UBE2E2: variants seen among roughly 807,000 people sequenced by gnomAD.
UBE2E2 encodes the protein ubiquitin conjugating enzyme E2 E2.
Under a neutral mutation model 24.7 loss-of-function variants are expected in UBE2E2, and 6 were observed. The ratio of observed to expected loss-of-function variants is 0.24; its 90% CI spans 0.13 to 0.48. UBE2E2 has a LOEUF of 0.48. Among genes scored for constraint, UBE2E2 ranks in the 20% least tolerant of loss-of-function variants. UBE2E2 has a pLI of 0.99. For synonymous variants in UBE2E2, 104 were observed against 83.6 expected (o/e 1.24, Z -1.33); for missense variants, 169 against 245.0 (o/e 0.69, Z 2.07).
chr3:23,475,057 C>A (rs1016498262), intron 3 of UBE2E2, among the ~76,000 whole-genome samples: 1 of 152,062 alleles, frequency 6.6e-6, no homozygotes, highest in Admixed American at 6.5e-5. Context: ...CACTGTTGAC[C>A]ACATTCTTCT....
chr3:23,343,288 C>T (rs4858069), intron 3 of UBE2E2, among the ~76,000 whole-genome samples: 2 of 151,856 alleles, frequency 1.3e-5, no homozygotes, highest in African/African-American at 2.4e-5. Flanking sequence ...AATTTAAAAA[C>T]TTTCTGGCCA....
chr3:23,225,982 C>G (rs1696810678), intron 3 of UBE2E2, among the ~76,000 whole-genome samples: 1 of 152,080 alleles, frequency 6.6e-6, no homozygotes, highest in Non-Finnish European at 1.5e-5. Context: ...CAGGTTCAAG[C>G]AATTCTCTTG....
chr3:23,208,913 A>G (rs747205824), intron 2 of UBE2E2, 38 bp downstream of exon 2: 5 of 1,539,690 alleles, frequency 3.2e-6, no homozygotes, highest in Non-Finnish European at 4.4e-6. Context: ...TGTTGGTATC[A>G]ATTTATCATC....
At chr3:23,572,479 C>A (rs1335023190) in intron 5 of UBE2E2, among the ~76,000 whole-genome samples, 1 of 152,138 alleles carries the variant, frequency 6.6e-6, no homozygotes, top group African/African-American at 2.4e-5. Flanking sequence ...TCGTGTCACC[C>A]AGATAGTGAA....
At chr3:23,364,700 A>G (rs1048414212) in intron 3 of UBE2E2, among the ~76,000 whole-genome samples, 2 of 152,168 alleles carry the variant, frequency 1.3e-5, no homozygotes, top group Admixed American at 1.3e-4. Flanking sequence ...TGTGTAAGGA[A>G]AAGCTGGTAC....
At chr3:23,403,808 C>CAAAAAA (rs375422962) in intron 3 of UBE2E2, among the ~76,000 whole-genome samples, 1 of 82,198 alleles carries the variant, frequency 1.2e-5, no homozygotes, top group African/African-American at 3.9e-5. Flanking sequence ...ATTCCGTCTC[C>CAAAAAA]AAAAAAAAAA....
At chr3:23,478,541 C>T (rs1016663872) in intron 3 of UBE2E2, among the ~76,000 whole-genome samples, 4 of 152,152 alleles carry the variant, frequency 2.6e-5, no homozygotes. Context: ...TTTCATACAT[C>T]AAGAACTGAT....
chr3:23,589,629 C>G lies in UBE2E2; in HGVS notation c.509-105C>G, dbSNP rs938407836. 1 of 1,156,500 alleles carries G rather than the reference C, an allele frequency of 8.6e-7. No individual in the cohort carries two copies. Among genetic ancestry groups the G allele is most frequent in the Middle Eastern group, 2.0e-4 (1 of 5,056 alleles). The allele number at this position is 1,156,500 out of a possible 1,614,324, so 71.6% of individuals were successfully genotyped here. A position where few individuals can be genotyped will look rare whatever the true frequency, so the allele number is the denominator to read the frequency against. ...GCAGCAATGGTGGTCCAGGTTAGAA[C>G]AGCAGCTTCTCATCTCCTACCCTCC... On this transcript the variant is annotated intron_variant, in intron 5 of 5. Transcript: ENST00000396703. The surrounding 1 kb of genome is among the most constrained non-coding windows in gnomAD (Gnocchi z 4.1).
chr3:23,285,732 T>C (rs1292483491), intron 3 of UBE2E2, among the ~76,000 whole-genome samples: 1 of 152,218 alleles, frequency 6.6e-6, no homozygotes, highest in Admixed American at 6.5e-5. Flanking sequence ...TTTTGAGACA[T>C]AGCTTTGTCA....
At chr3:23,482,732 T>A (rs772610325) in intron 3 of UBE2E2, among the ~76,000 whole-genome samples, 5 of 152,114 alleles carry the variant, frequency 3.3e-5, no homozygotes, top group Non-Finnish European at 5.9e-5. Flanking sequence ...AAATCCAGGT[T>A]TATGAGATTA....
chr3:23,588,410 GT>G (rs199679364), intron 5 of UBE2E2, among the ~76,000 whole-genome samples: 409 of 130,002 alleles, frequency 3.1e-3, no homozygotes, highest in Middle Eastern at 7.5e-3. Flanking sequence ...TTGTTTTTTT[GT>G]TTTTTTTTTT....
At chr3:23,323,547 C>A in intron 3 of UBE2E2, 1 of 452,400 alleles carries the variant, frequency 2.2e-6, no homozygotes. Flanking sequence ...AATGCTCATT[C>A]AATTCTCAAT....
intron 3 of UBE2E2, among the ~76,000 whole-genome samples, chr3:23,246,360 A>G (rs1697400797): frequency 6.7e-6 from 1 of 149,242 alleles, no homozygotes; most frequent in South Asian, 2.1e-4. Flanking sequence ...AGCTGGGACT[A>G]CAGGCGCCCG....
intron 3 of UBE2E2, among the ~76,000 whole-genome samples, chr3:23,386,154 T>C (rs759203226): frequency 6.6e-6 from 1 of 152,218 alleles, no homozygotes; most frequent in Non-Finnish European, 1.5e-5. Context: ...CGTAACAAAA[T>C]ACCATAAACT....
In UBE2E2 at chr3:23,589,963, G is replaced by C. The variant is rs1696724082; in HGVS notation, c.*132G>C. On this transcript the variant is annotated 3_prime_UTR_variant, in exon 6 of 6. Transcript: ENST00000396703. The surrounding 1 kb of genome is among the most constrained non-coding windows in gnomAD (Gnocchi z 4.1). ...TTAAATTTGGAACCATTTTGTGATG[G>C]TATGTTGTCCATCTTCCCATCCCAG... is the stretch of plus-strand genomic sequence containing the variant. 5 of 781,814 alleles carry C rather than the reference G, an allele frequency of 6.4e-6. No individual in the cohort carries two copies. In the Admixed American group the frequency reaches 7.5e-5, roughly 12 times the overall value. The allele number at this position is 781,814 out of a possible 1,614,324, so 48.4% of individuals were successfully genotyped here.
chr3:23,393,936 AC>A (rs1697011727), intron 3 of UBE2E2, among the ~76,000 whole-genome samples: 1 of 152,346 alleles, frequency 6.6e-6, no homozygotes. Flanking sequence ...AATAGTTCTG[AC>A]AAAAAGTACA....
chr3:23,549,352 T>C (rs190035147), intron 5 of UBE2E2, among the ~76,000 whole-genome samples: 6 of 152,350 alleles, frequency 3.9e-5, no homozygotes, highest in African/African-American at 1.4e-4. Context: ...CTTGCATGCA[T>C]CTTTTCAGCA....
At chr3:23,408,427 A>C (rs937555024) in intron 3 of UBE2E2, among the ~76,000 whole-genome samples, 2 of 152,210 alleles carry the variant, frequency 1.3e-5, no homozygotes, top group Non-Finnish European at 2.9e-5. Context: ...CCTTTAAATT[A>C]AAATACATCC....
In UBE2E2 at chr3:23,351,329, T is replaced by C. The variant is rs544838777; in HGVS notation, c.227+134017T>C. Among the ~76,000 whole-genome samples the C allele has an allele frequency of 4.6e-5, 7 of 152,286 alleles. 1 individual carries two copies. In the South Asian group the frequency reaches 1.0e-3, roughly 23 times the overall value. On this transcript the variant is annotated intron_variant, in intron 3 of 5. Coordinates refer to ENST00000396703, the MANE Select transcript of UBE2E2 (RefSeq NM_152653.4). ...AAGGCTAGGAAGAAACTCCATCAAC[T>C]AACAAGCAAAATAACCAGCTAACAT...
Sources: gnomAD v4.1 joint callset for allele counts (sites outside exome capture counted in the v4.1 genomes callset) on GRCh38, gnomAD v4.1.1 for gene constraint, Gnocchi (gnomAD v3.1) non-coding constraint, MANE v1.5 for transcripts, NCBI Gene and HGNC (gene_info 2026-07-23, HGNC 2026-07-21) for gene names.